The following RAB4A variants were observed in gnomAD, a reference collection of about 807,000 sequenced individuals.
RAB4A encodes the protein ras-related protein Rab-4A.
A neutral mutation model predicts 34.5 loss-of-function variants in RAB4A; 20 were observed. That is an observed-to-expected ratio of 0.58 (90% CI 0.41 to 0.84). The LOEUF is 0.84. RAB4A is among the 40% of genes least tolerant of loss of function. The pLI is 0.00. For missense variants in RAB4A, 228 were observed against 274.5 expected (o/e 0.83, Z 1.20); for synonymous variants, 102 against 100.0 (o/e 1.02, Z -0.12).
intron 3 of RAB4A, 58 bp from the exon 4 acceptor site, chr1:229,295,790 G>A: frequency 6.4e-7 from 1 of 1,557,690 alleles, no homozygotes; most frequent in Non-Finnish European, 8.8e-7. Context: ...TCATGGGAAA[G>A]TGGGATACAG....
chr1:229,291,925 G>C (rs370941308), intron 3 of RAB4A, among the ~76,000 whole-genome samples: 1 of 152,014 alleles, frequency 6.6e-6, no homozygotes, highest in Non-Finnish European at 1.5e-5. Flanking sequence ...TAGGGACATG[G>C]ATGAAATTGG....
intron 1 of RAB4A, among the ~76,000 whole-genome samples, chr1:229,278,301 T>C (rs534306863): frequency 1.3e-5 from 2 of 152,350 alleles, no homozygotes; most frequent in East Asian, 3.9e-4. Context: ...CCATCTGCCT[T>C]GCCTGCTGTG....
chr1:229,281,267 G>A (rs1656769434), intron 1 of RAB4A, among the ~76,000 whole-genome samples: 1 of 151,764 alleles, frequency 6.6e-6, no homozygotes, highest in Non-Finnish European at 1.5e-5. Flanking sequence ...TTGTCTGTTT[G>A]GCCTTTTAAT....
chr1:229,280,273 A>G (rs1037022527), intron 1 of RAB4A, among the ~76,000 whole-genome samples: 2 of 152,236 alleles, frequency 1.3e-5, no homozygotes, highest in African/African-American at 4.8e-5. Flanking sequence ...TTCCTGCCAG[A>G]ATGATTTCTG....
intron 1 of RAB4A, among the ~76,000 whole-genome samples, chr1:229,275,140 T>G (rs1201108863): frequency 2.6e-5 from 4 of 152,234 alleles, no homozygotes; most frequent in African/African-American, 4.8e-5. Flanking sequence ...ATAAGGTCTT[T>G]GCAGATGTAA....
At chr1:229,288,185 G>A (rs1656974928) in intron 2 of RAB4A, among the ~76,000 whole-genome samples, 2 of 151,992 alleles carry the variant, frequency 1.3e-5, no homozygotes, top group Admixed American at 1.3e-4. Context: ...GTTTTTTGGA[G>A]GGTGCTTTGT....
intron 1 of RAB4A, among the ~76,000 whole-genome samples, chr1:229,274,128 C>T (rs572100712): frequency 1.4e-5 from 2 of 146,996 alleles, no homozygotes; most frequent in South Asian, 4.4e-4. Flanking sequence ...TCACGGCTCA[C>T]TGCCACCTCC....
Position 229,304,948 on chromosome 1 carries a change from C to A in RAB4A, c.*1155C>A. 1.8e-6 allele frequency: 1 copy of A among 549,896 alleles called. No homozygotes were observed. Among genetic ancestry groups the A allele is most frequent in the Non-Finnish European group, 2.7e-6 (1 of 363,896 alleles). The allele number at this position is 549,896 out of a possible 1,614,324, so 34.1% of individuals were successfully genotyped here. On this transcript the variant is annotated 3_prime_UTR_variant, in exon 8 of 8. Transcript: ENST00000366690. Reference sequence around the variant, plus strand: ...GCAAAAAATATATGGTGGAACCTTTCTTTAAAGTTGAAATGCAGTATTATT... The same window carrying A: ...GCAAAAAATATATGGTGGAACCTTTATTTAAAGTTGAAATGCAGTATTATT...
At chr1:229,284,521 A>C (rs1656873124) in intron 1 of RAB4A, among the ~76,000 whole-genome samples, 1 of 152,198 alleles carries the variant, frequency 6.6e-6, no homozygotes, top group South Asian at 2.1e-4. Flanking sequence ...CAAATGCAAC[A>C]ATGATGGGTT....
In RAB4A at chr1:229,271,244, C is replaced by G; in HGVS notation, c.-96C>G. ...GGACCGGTCGGGCCCCTCCCTCCTC[C>G]GGTCCCCCGCCCCAGGTCCTTCCCC... On this transcript the variant is annotated 5_prime_UTR_variant, in exon 1 of 8. Coordinates refer to ENST00000366690, the MANE Select transcript of RAB4A (RefSeq NM_004578.4). The G allele has an allele frequency of 1.7e-6, 2 of 1,208,148 alleles. No homozygotes were observed. Among genetic ancestry groups the G allele is most frequent in the Non-Finnish European group, 2.1e-6 (2 of 957,096 alleles). The allele number at this position is 1,208,148 out of a possible 1,614,324, so 74.8% of individuals were successfully genotyped here. A position where few individuals can be genotyped will look rare whatever the true frequency, so the allele number is the denominator to read the frequency against.
intron 1 of RAB4A, 48 bp from the exon 2 acceptor site, chr1:229,286,438 C>A (rs780483764): frequency 8.6e-7 from 1 of 1,158,100 alleles, no homozygotes. Flanking sequence ...AGAAGAAATT[C>A]ACAGCACTAT....
intron 6 of RAB4A, among the ~76,000 whole-genome samples, chr1:229,299,335 G>A (rs1657323555): frequency 6.6e-6 from 1 of 152,196 alleles, no homozygotes; most frequent in African/African-American, 2.4e-5. Flanking sequence ...GTTTCAGGGA[G>A]TGTTTGCATT....
intron 1 of RAB4A, among the ~76,000 whole-genome samples, chr1:229,282,212 C>G (rs368414): frequency 6.6e-6 from 1 of 152,134 alleles, no homozygotes; most frequent in African/African-American, 2.4e-5. Context: ...GGACATAGGG[C>G]TCTGGGTTGA....
intron 3 of RAB4A, among the ~76,000 whole-genome samples, chr1:229,293,898 A>G (rs1657165208): frequency 6.6e-6 from 1 of 152,168 alleles, no homozygotes; most frequent in Non-Finnish European, 1.5e-5. Flanking sequence ...CCAAAGGGAC[A>G]GGTACAGTGA....
intron 3 of RAB4A, among the ~76,000 whole-genome samples, chr1:229,293,690 C>A (rs1049700902): frequency 6.6e-6 from 1 of 152,010 alleles, no homozygotes; most frequent in South Asian, 2.1e-4. Flanking sequence ...GAGACAGAGA[C>A]AGAAAGAGCA....
At chr1:229,294,814 G>A (rs1171185847) in intron 3 of RAB4A, among the ~76,000 whole-genome samples, 4 of 152,180 alleles carry the variant, frequency 2.6e-5, no homozygotes, top group South Asian at 4.1e-4. Context: ...TGGGTAACGA[G>A]CGAAACTCTG....
chr1:229,274,296 C>T (rs1320689264), intron 1 of RAB4A, among the ~76,000 whole-genome samples: 5 of 151,622 alleles, frequency 3.3e-5, no homozygotes, highest in Admixed American at 2.0e-4. Context: ...AACTCCTGGG[C>T]TCAAGTGATC....
At chr1:229,275,904 G>A (rs1339837581) in intron 1 of RAB4A, among the ~76,000 whole-genome samples, 1 of 151,082 alleles carries the variant, frequency 6.6e-6, no homozygotes, top group Non-Finnish European at 1.5e-5. Context: ...GGGTTTACAG[G>A]CGTGAGCCAC....
intron 3 of RAB4A, 103 bp from the exon 4 acceptor site, chr1:229,295,745 G>T (rs1256350512): frequency 9.9e-7 from 1 of 1,010,468 alleles, no homozygotes; most frequent in African/African-American, 1.6e-5. Context: ...GTCTGTCCCT[G>T]TGTTGTGGTT....
Sources: gnomAD v4.1 joint callset for allele counts (sites outside exome capture counted in the v4.1 genomes callset) on GRCh38, gnomAD v4.1.1 for gene constraint, MANE v1.5 for transcripts, NCBI Gene and HGNC (gene_info 2026-07-23, HGNC 2026-07-21) for gene names.